The following NF1 variants were observed in gnomAD, a reference collection of about 807,000 sequenced individuals.
NF1 encodes neurofibromin 1.
In NF1, 122 loss-of-function variants were observed where a neutral mutation model predicts 325.7. The observed-to-expected ratio is 0.37, with a 90% CI of 0.32 to 0.44. The LOEUF (loss-of-function observed/expected upper bound fraction) is 0.44. Among genes scored for constraint, NF1 ranks in the 20% least tolerant of loss-of-function variants. NF1 has a pLI of 1.00. For missense variants in NF1, 2,140 were observed against 3,415.4 expected (o/e 0.63, Z 9.31); for synonymous variants, 1,091 against 1,186.0 (o/e 0.92, Z 1.65).
intron 31 of NF1, among the ~76,000 whole-genome samples, chr17:31,254,596 TATACTA>T (rs2067550701): frequency 6.6e-6 from 1 of 152,192 alleles, no homozygotes; most frequent in Non-Finnish European, 1.5e-5. Context: ...TGTTCAGTGT[TATACTA>T]ATGCCATTTT....
chr17:31,150,229 A>G (rs901200617), intron 1 of NF1, among the ~76,000 whole-genome samples: 2 of 152,176 alleles, frequency 1.3e-5, no homozygotes, highest in South Asian at 2.1e-4. Flanking sequence ...TTGTTGATCA[A>G]CAAGTTTGGA....
chr17:31,370,827 T>C (rs908076312), intron 57 of NF1, among the ~76,000 whole-genome samples: 1 of 152,202 alleles, frequency 6.6e-6, no homozygotes, highest in African/African-American at 2.4e-5. Context: ...CCCTCCTGCA[T>C]GCGGGCCAGC....
chr17:31,150,490 G>T (rs117417857), intron 1 of NF1, among the ~76,000 whole-genome samples: 2,128 of 152,020 alleles, frequency 0.014, 24 homozygotes, highest in Non-Finnish European at 0.02. Context: ...ATTATGTGTT[G>T]GTTTTTTACT....
chr17:31,194,877 C>T (rs1224839014), intron 8 of NF1, among the ~76,000 whole-genome samples: 1 of 152,080 alleles, frequency 6.6e-6, no homozygotes, highest in East Asian at 1.9e-4. Context: ...TAAAACATTT[C>T]CTTCCAGTGC....
chr17:31,361,997 C>G (rs992577376), intron 57 of NF1, among the ~76,000 whole-genome samples: 3 of 152,110 alleles, frequency 2.0e-5, no homozygotes, highest in African/African-American at 7.2e-5. Context: ...GTTTGTTTGC[C>G]CTCTGCCACT....
At chr17:31,335,176 C>T in intron 40 of NF1, 145 bp downstream of exon 40, 1 of 660,460 alleles carries the variant, frequency 1.5e-6, no homozygotes, top group African/African-American at 1.9e-5. Context: ...TGTAGACACT[C>T]ACCCAGCTCT....
chr17:31,121,622 T>C (rs1914448387), intron 1 of NF1, among the ~76,000 whole-genome samples: 1 of 152,160 alleles, frequency 6.6e-6, no homozygotes. Context: ...TATTGAGAGT[T>C]TTTATCATGA....
intron 36 of NF1, chr17:31,305,361 T>G (rs2068688655): frequency 6.2e-7 from 1 of 1,614,002 alleles, no homozygotes; most frequent in East Asian, 2.2e-5. Flanking sequence ...TATAGACAGC[T>G]GGTGTTGGTT....
intron 36 of NF1, among the ~76,000 whole-genome samples, chr17:31,309,892 C>T (rs1453563337): frequency 6.6e-6 from 1 of 152,224 alleles, no homozygotes; most frequent in Non-Finnish European, 1.5e-5. Context: ...CCTATCCTAA[C>T]ACTTTCTACC....
At chr17:31,131,261 C>G (rs1446560367) in intron 1 of NF1, among the ~76,000 whole-genome samples, 1 of 152,174 alleles carries the variant, frequency 6.6e-6, no homozygotes, top group Non-Finnish European at 1.5e-5. Context: ...AGCAGCTTTC[C>G]CTGCCAGCTC....
intron 39 of NF1, chr17:31,331,898 C>A (rs78842918): frequency 1.3e-5 from 1 of 75,780 alleles, no homozygotes; most frequent in Non-Finnish European, 2.2e-5. Flanking sequence ...TGAGACCCTT[C>A]TCTATTAAAA....
chr17:31,198,590 C>G lies in NF1; in HGVS notation c.889-1832C>G, dbSNP rs144736825. The stretch of plus-strand genomic sequence containing the variant: ...ATAATTCTTTTTATTTTTGCAAAAT[C>G]AGTAGTGTCACCACTTTTTTTGTTG... On this transcript the variant is annotated intron_variant, in intron 8 of 57. Transcript: ENST00000358273. Among the ~76,000 whole-genome samples the G allele has an allele frequency of 4.0e-4, 60 of 151,700 alleles. 1 individual carries two copies. The highest frequency in any genetic ancestry group is 1.9e-3 in the South Asian group (9 of 4,814).
At chr17:31,100,598 C>T (rs1194195343) in intron 1 of NF1, among the ~76,000 whole-genome samples, 1 of 151,938 alleles carries the variant, frequency 6.6e-6, no homozygotes, top group African/African-American at 2.4e-5. Flanking sequence ...GAGATGGAGT[C>T]TCACTCTGTC....
chr17:31,344,275 C>T (rs143970516), intron 48 of NF1, among the ~76,000 whole-genome samples: 5 of 152,248 alleles, frequency 3.3e-5, no homozygotes, highest in Middle Eastern at 3.4e-3. Flanking sequence ...CCTCAGAGCC[C>T]GCTCATTCAC....
At chr17:31,101,453 G>A (rs138685537) in intron 1 of NF1, among the ~76,000 whole-genome samples, 2 of 152,148 alleles carry the variant, frequency 1.3e-5, no homozygotes, top group East Asian at 1.9e-4. Context: ...TTAAATATTC[G>A]ATGATTTTAA....
chr17:31,155,980 C>G lies in NF1; in HGVS notation c.61-3C>G, dbSNP rs755724473. 1.3e-6 allele frequency: 2 copies of G among 1,563,576 alleles called. No individual in the cohort carries two copies. On this transcript the variant is annotated splice_region_variant and splice_polypyrimidine_tract_variant and intron_variant, in intron 1 of 57. Coordinates refer to ENST00000358273, the MANE Select transcript of NF1 (RefSeq NM_001042492.3). ...ACGTGTTTTTTTTTTCTTTTTTTTTCAGCTTCCAATAAAAACAGGACAGCA... is the reference window on the plus strand; with the variant it reads ...ACGTGTTTTTTTTTTCTTTTTTTTTGAGCTTCCAATAAAAACAGGACAGCA...
intron 36 of NF1, among the ~76,000 whole-genome samples, chr17:31,275,823 T>C (rs2067996931): frequency 6.6e-6 from 1 of 152,212 alleles, no homozygotes; most frequent in Admixed American, 6.5e-5. Flanking sequence ...TTCCACCATA[T>C]TCTGGCTTTT....
chr17:31,304,174 C>CT (rs1471116425), intron 36 of NF1: 1 of 1,283,070 alleles, frequency 7.8e-7, no homozygotes, highest in Non-Finnish European at 1.1e-6. Context: ...TCAAAATTGA[C>CT]TATCAGTTGC....
rs924761919 is a variant in NF1, at chr17:31,376,956, ACAGT to A, written c.*2805_*2808del. ...GCCAGGTGCCCAGGACACATCCTAAACAGTCAGCTTCTATCCTGTGTCCTAGTTG... is the reference window on the plus strand; with the variant it reads ...GCCAGGTGCCCAGGACACATCCTAAACAGCTTCTATCCTGTGTCCTAGTTG... On this transcript the variant is annotated 3_prime_UTR_variant, in exon 58 of 58. Coordinates refer to ENST00000358273, the MANE Select transcript of NF1 (RefSeq NM_001042492.3). 2.6e-5 allele frequency: 6 copies of A among 233,196 alleles called. No homozygotes were observed. The highest frequency in any genetic ancestry group is 4.4e-5 in the African/African-American group (2 of 45,334). 14.4% of individuals were successfully genotyped at this position (233,196 alleles called of 1,614,324 possible).
Sources: allele counts gnomAD v4.1 joint callset (sites outside exome capture counted in the v4.1 genomes callset), GRCh38; gene constraint gnomAD v4.1.1; transcripts MANE v1.5; gene names NCBI Gene and HGNC (gene_info 2026-07-23, HGNC 2026-07-21).